The following FHOD3 variants were observed in gnomAD, a reference collection of about 807,000 sequenced individuals.
The protein encoded by FHOD3 is formin homology 2 domain containing 3, also known as FH1/FH2 domain-containing protein 3.
FHOD3 carries 90 observed loss-of-function variants against 173.0 expected under a neutral mutation model. The ratio of observed to expected loss-of-function variants is 0.52; its 90% CI spans 0.44 to 0.62. FHOD3 has a LOEUF of 0.62. FHOD3 is among the 20% of genes least tolerant of loss of function. The probability of loss-of-function intolerance (pLI) is 0.00; values close to 1 mark genes in which losing one functional copy is unlikely to be tolerated. For missense variants in FHOD3, 1,945 were observed against 2,034.7 expected, an observed-to-expected ratio of 0.96 and a Z score of 0.85; for synonymous variants, 828 against 823.0, an observed-to-expected ratio of 1.01 and a Z score of -0.10.
intron 5 of FHOD3, among the ~76,000 whole-genome samples, chr18:36,541,589 T>C (rs954668266): frequency 6.6e-6 from 1 of 152,130 alleles, no homozygotes; most frequent in Non-Finnish European, 1.5e-5. Flanking sequence ...ATTTTAGCAA[T>C]CAAAAATCTA....
chr18:36,639,101 T>G (rs570988239), intron 10 of FHOD3, among the ~76,000 whole-genome samples: 1 of 152,278 alleles, frequency 6.6e-6, no homozygotes, highest in Non-Finnish European at 1.5e-5. Flanking sequence ...AGGGCTGTTT[T>G]TTGCCTCTGA....
At chr18:36,552,176 G>A (rs1043763392) in intron 5 of FHOD3, among the ~76,000 whole-genome samples, 5 of 152,152 alleles carry the variant, frequency 3.3e-5, no homozygotes, top group African/African-American at 9.7e-5. Flanking sequence ...ATTTCATTGA[G>A]CAGTGGTTTG....
intron 1 of FHOD3, among the ~76,000 whole-genome samples, chr18:36,353,468 A>G (rs931013068): frequency 1.3e-5 from 2 of 152,224 alleles, no homozygotes; most frequent in Non-Finnish European, 2.9e-5. Context: ...CTATCAAAAC[A>G]AAAACTAATC....
At chr18:36,420,751 T>G (rs1272667051) in intron 3 of FHOD3, among the ~76,000 whole-genome samples, 2 of 152,240 alleles carry the variant, frequency 1.3e-5, no homozygotes, top group African/African-American at 4.8e-5. Context: ...TTAGCTTATC[T>G]GTGATTCACT....
At chr18:36,611,463 A>T (rs2032667590) in intron 8 of FHOD3, among the ~76,000 whole-genome samples, 1 of 152,026 alleles carries the variant, frequency 6.6e-6, no homozygotes, top group Non-Finnish European at 1.5e-5. Context: ...GGCAGAATTC[A>T]TTTCCTTGCT....
At chr18:36,556,829 G>GC (rs1235343889) in intron 5 of FHOD3, among the ~76,000 whole-genome samples, 1 of 152,088 alleles carries the variant, frequency 6.6e-6, no homozygotes, top group Non-Finnish European at 1.5e-5. Context: ...TTTTGCATAT[G>GC]CCCAAAGGAT....
intron 1 of FHOD3, among the ~76,000 whole-genome samples, chr18:36,334,743 C>T (rs2045213503): frequency 6.6e-6 from 1 of 152,162 alleles, no homozygotes; most frequent in Admixed American, 6.5e-5. Context: ...CTCTCTGTAC[C>T]AGAAAACTGA....
chr18:36,340,581 TG>T (rs2045559662), intron 1 of FHOD3, among the ~76,000 whole-genome samples: 1 of 88,008 alleles, frequency 1.1e-5, no homozygotes, highest in Non-Finnish European at 2.9e-5. Flanking sequence ...GGCTTTCTCT[TG>T]TTTTTTTTTT....
intron 3 of FHOD3, among the ~76,000 whole-genome samples, chr18:36,488,665 T>G (rs1212588001): frequency 6.6e-6 from 1 of 152,242 alleles, no homozygotes; most frequent in Non-Finnish European, 1.5e-5. Flanking sequence ...TCCAACATGA[T>G]CATGTTCATC....
Position 36,755,239 on chromosome 18 carries a change from G to T in FHOD3, c.4353G>T (p.Arg1451Ser), listed in dbSNP as rs1363614101. Residue 1451 changes from arginine to serine, a missense_variant, in exon 25 of 29, where the codon AGG becomes AGT. Transcript: ENST00000590592. The part of the protein sequence containing the change: ...FALEYRTTRE[R>S]VLQQKQKRAN... ...TAGAGTATCGCACAACCAGGGAAAG[G>T]GTTTTGCAGCAGAAACAGAAACGGG... The T allele has an allele frequency of 6.2e-7, 1 of 1,612,080 alleles. No individual in the cohort carries two copies. The highest frequency in any genetic ancestry group is 8.5e-7 in the Non-Finnish European group (1 of 1,179,282).
intron 3 of FHOD3, among the ~76,000 whole-genome samples, chr18:36,421,223 G>A (rs1239852608): frequency 6.6e-6 from 1 of 152,196 alleles, no homozygotes; most frequent in Non-Finnish European, 1.5e-5. Context: ...GATTAGGGTA[G>A]CTTGCCACAA....
At chr18:36,450,443 G>GTTTA (rs78899431) in intron 3 of FHOD3, among the ~76,000 whole-genome samples, 17,247 of 92,638 alleles carry the variant, frequency 0.19, 1,354 homozygotes, top group Non-Finnish European at 0.28. Context: ...CGACCAGTTT[G>GTTTA]TTTATTTATT....
intron 18 of FHOD3, among the ~76,000 whole-genome samples, chr18:36,712,673 G>A (rs1490965570): frequency 6.6e-6 from 1 of 152,140 alleles, no homozygotes; most frequent in Non-Finnish European, 1.5e-5. Flanking sequence ...CTGGGGAGGA[G>A]AGAGAGTGTA....
chr18:36,546,726 A>G (rs2057424074), intron 5 of FHOD3, among the ~76,000 whole-genome samples: 1 of 152,156 alleles, frequency 6.6e-6, no homozygotes, highest in South Asian at 2.1e-4. Context: ...ACGTTCTGGC[A>G]TTCCCACTGC....
intron 6 of FHOD3, among the ~76,000 whole-genome samples, chr18:36,589,142 C>G (rs2059131036): frequency 6.6e-6 from 1 of 152,194 alleles, no homozygotes; most frequent in Non-Finnish European, 1.5e-5. Flanking sequence ...TGTGCTAAAT[C>G]ATTATGAAAT....
At chr18:36,542,921 C>T (rs1446375122) in intron 5 of FHOD3, among the ~76,000 whole-genome samples, 2 of 152,132 alleles carry the variant, frequency 1.3e-5, no homozygotes, top group Non-Finnish European at 2.9e-5. Context: ...GACCAATGTC[C>T]CTAAATATGT....
intron 3 of FHOD3, among the ~76,000 whole-genome samples, chr18:36,479,385 A>C (rs1437447574): frequency 6.6e-6 from 1 of 152,214 alleles, no homozygotes; most frequent in African/African-American, 2.4e-5. Flanking sequence ...GCTGCAATAC[A>C]GTGGAGCTGT....
At chr18:36,537,433 C>T (rs1400701812) in intron 5 of FHOD3, among the ~76,000 whole-genome samples, 2 of 152,166 alleles carry the variant, frequency 1.3e-5, no homozygotes, top group East Asian at 1.9e-4. Context: ...AGGGCACCCC[C>T]CTTGCCCAGG....
intron 19 of FHOD3, among the ~76,000 whole-genome samples, chr18:36,723,218 C>G (rs2040879292): frequency 6.6e-6 from 1 of 152,220 alleles, no homozygotes; most frequent in Non-Finnish European, 1.5e-5. Context: ...GGCCTCTGCT[C>G]TAGACAACCC....
Sources: gnomAD v4.1 joint callset for allele counts (sites outside exome capture counted in the v4.1 genomes callset) on GRCh38, gnomAD v4.1.1 for gene constraint, MANE v1.5 for transcripts, NCBI Gene and HGNC (gene_info 2026-07-23, HGNC 2026-07-21) for gene names.